The following NAF1 variants were observed in gnomAD, a reference collection of about 807,000 sequenced individuals.
The protein encoded by NAF1 is H/ACA ribonucleoprotein complex non-core subunit NAF1.
Under a neutral mutation model 40.6 loss-of-function variants are expected in NAF1, and 11 were observed. The ratio of observed to expected loss-of-function variants is 0.27; its 90% CI spans 0.17 to 0.45. The LOEUF is 0.45. NAF1 is among the 20% of genes least tolerant of loss of function. The pLI is 1.00. For missense variants in NAF1, 607 were observed against 611.1 expected, an observed-to-expected ratio of 0.99 and a Z score of 0.07; for synonymous variants, 260 against 228.5, an observed-to-expected ratio of 1.14 and a Z score of -1.24.
intron 2 of NAF1, among the ~76,000 whole-genome samples, chr4:163,150,861 C>T (rs1259615509): frequency 6.6e-6 from 1 of 152,056 alleles, no homozygotes; most frequent in Non-Finnish European, 1.5e-5. Context: ...CTTAAAAAGT[C>T]ACGTCAATTC....
Position 163,128,909 on chromosome 4 carries a change from T to C in NAF1, c.1473A>G (p.Gly491=). 1.4e-6 allele frequency: 2 copies of C among 1,407,212 alleles called. No homozygotes were observed. The highest frequency in any genetic ancestry group is 2.5e-4 in the Middle Eastern group (1 of 4,070). The allele number at this position is 1,407,212 out of a possible 1,614,324, so 87.2% of individuals were successfully genotyped here. Residue 491 remains glycine (G), a synonymous_variant, in exon 8 of 8, where the codon GGA becomes GGG. Coordinates refer to ENST00000274054, the MANE Select transcript of NAF1 (RefSeq NM_138386.3). ...PSSGDSNSHF[G]PYY Reference sequence around the variant, plus strand: ...AATGCATAGTCACCTAATAGTAAGGTCCAAAATGAGAATTACTATCTCCAG... The same window carrying C: ...AATGCATAGTCACCTAATAGTAAGGCCCAAAATGAGAATTACTATCTCCAG...
downstream of NAF1, among the ~76,000 whole-genome samples, chr4:163,123,554 G>T (rs1269528560): frequency 6.6e-6 from 1 of 152,022 alleles, no homozygotes; most frequent in East Asian, 1.9e-4. Context: ...GCTAATTTTT[G>T]TATTTTTTGT....
intron 5 of NAF1, 44 bp from the exon 6 acceptor site, chr4:163,137,294 T>C (rs1731097859): frequency 1.3e-6 from 2 of 1,578,904 alleles, no homozygotes; most frequent in Non-Finnish European, 1.7e-6. Context: ...TTCATCACAA[T>C]TCTATTAAGT....
Position 163,114,597 on chromosome 4 carries a change from T to C in NAF1, c.115-4307A>G, listed in dbSNP as rs377358623. Among the ~76,000 whole-genome samples, 56 of 152,308 alleles carry C rather than the reference T, an allele frequency of 3.7e-4. No homozygotes were observed. The South Asian group carries it at 8.3e-3, about 23-fold the overall frequency. ...GTCCCACTTGGTAGTGTATCTTCTT[T>C]TTATATTTGCTGTTTCCATGTTGTT... On this transcript the variant is annotated intron_variant, in intron 2 of 2. Transcript: ENST00000509434.
the NAF1 span, among the ~76,000 whole-genome samples, chr4:163,104,375 C>T: frequency 3.9e-5 from 6 of 152,020 alleles, no homozygotes; most frequent in African/African-American, 4.8e-5. Context: ...TGGTGTACTT[C>T]GCAATTCATA....
chr4:163,135,952 A>T (rs1731039696), intron 6 of NAF1: 1 of 152,250 alleles, frequency 6.6e-6, no homozygotes, highest in Non-Finnish European at 1.5e-5. Context: ...CAGAGCCTTA[A>T]CTGAAATCAC....
At chr4:163,151,627 C>T (rs200281552) in intron 2 of NAF1, among the ~76,000 whole-genome samples, 2 of 152,194 alleles carry the variant, frequency 1.3e-5, no homozygotes, top group East Asian at 3.9e-4. Flanking sequence ...ATTTTAACAA[C>T]TGTGGTTTTC....
intron 2 of NAF1, among the ~76,000 whole-genome samples, chr4:163,114,397 C>T (rs973947904): frequency 6.6e-6 from 1 of 152,168 alleles, no homozygotes; most frequent in Non-Finnish European, 1.5e-5. Flanking sequence ...CTTGTGAGTG[C>T]CTTCCTTGAT....
At chr4:163,152,614 T>G (rs1731757110) in intron 2 of NAF1, among the ~76,000 whole-genome samples, 1 of 152,244 alleles carries the variant, frequency 6.6e-6, no homozygotes, top group Admixed American at 6.5e-5. Context: ...ACATAGACAC[T>G]GTTATCTGAA....
chr4:163,120,612 G>A (rs935967475), intron 2 of NAF1, among the ~76,000 whole-genome samples: 29 of 152,236 alleles, frequency 1.9e-4, no homozygotes, highest in Non-Finnish European at 8.8e-5. Context: ...TAACAATTAG[G>A]CTTTCTGTAC....
At chr4:163,147,848 G>A (rs1056524928) in intron 3 of NAF1, among the ~76,000 whole-genome samples, 2 of 152,170 alleles carry the variant, frequency 1.3e-5, no homozygotes, top group African/African-American at 2.4e-5. Context: ...AGAGACAGAC[G>A]TTACATTACT....
chr4:163,123,206 T>G (rs1326429359), downstream of NAF1, among the ~76,000 whole-genome samples: 1 of 152,136 alleles, frequency 6.6e-6, no homozygotes, highest in Non-Finnish European at 1.5e-5. Context: ...AGAGGTGCCA[T>G]GCTCTTTTAA....
intron 2 of NAF1, among the ~76,000 whole-genome samples, chr4:163,152,860 G>C (rs545153096): frequency 3.9e-5 from 6 of 152,342 alleles, no homozygotes; most frequent in South Asian, 2.1e-4. Flanking sequence ...AGGCGCGAGC[G>C]GGAACCGGGG....
At chr4:163,130,052 A>C (rs1246613976) in intron 7 of NAF1, among the ~76,000 whole-genome samples, 1 of 152,228 alleles carries the variant, frequency 6.6e-6, no homozygotes, top group African/African-American at 2.4e-5. Context: ...AGGAATACCT[A>C]GACTTCAATC....
intron 2 of NAF1, 50 bp from the exon 3 acceptor site, chr4:163,148,484 C>A: frequency 7.7e-7 from 1 of 1,293,190 alleles, no homozygotes; most frequent in African/African-American, 1.5e-5. Context: ...GCTTCAACAA[C>A]TTAAAAAAAA....
chr4:163,153,082 G>A (rs1210911494), intron 2 of NAF1, among the ~76,000 whole-genome samples: 1 of 152,220 alleles, frequency 6.6e-6, no homozygotes, highest in Non-Finnish European at 1.5e-5. Context: ...CTGCCTTCCT[G>A]CGGGGCAGGG....
At chr4:163,115,462 C>T (rs974313941) in intron 2 of NAF1, among the ~76,000 whole-genome samples, 7 of 152,124 alleles carry the variant, frequency 4.6e-5, no homozygotes, top group African/African-American at 1.7e-4. Context: ...TCCCAAAGTG[C>T]TGGGATTACA....
At chr4:163,152,757 C>T (rs1331173370) in intron 2 of NAF1, among the ~76,000 whole-genome samples, 1 of 152,250 alleles carries the variant, frequency 6.6e-6, no homozygotes, top group Non-Finnish European at 1.5e-5. Context: ...ACTTGAGGAG[C>T]CCTTCAGCCC....
chr4:163,148,982 A>G (rs563606418), intron 2 of NAF1, among the ~76,000 whole-genome samples: 23 of 152,148 alleles, frequency 1.5e-4, no homozygotes, highest in Non-Finnish European at 2.6e-4. Context: ...GAAGTCCTGA[A>G]AAAAGAATAT....
Sources: gnomAD v4.1 joint callset for allele counts (sites outside exome capture counted in the v4.1 genomes callset) on GRCh38, gnomAD v4.1.1 for gene constraint, MANE v1.5 for transcripts, NCBI Gene and HGNC (gene_info 2026-07-23, HGNC 2026-07-21) for gene names.